Variants in CACNA1G observed in about 807,000 individuals in gnomAD.
CACNA1G encodes voltage-dependent T-type calcium channel subunit alpha-1G.
Under a neutral mutation model 219.4 loss-of-function variants are expected in CACNA1G, and 67 were observed. The observed-to-expected ratio is 0.31, with a 90% CI of 0.25 to 0.37. CACNA1G has a LOEUF of 0.37. Ranked by LOEUF, CACNA1G falls within the 10% of genes least tolerant of loss-of-function variation. The pLI, the probability that CACNA1G is intolerant of heterozygous loss-of-function variation, is 1.00. For synonymous variants in CACNA1G, 1,296 were observed against 1,345.3 expected, an observed-to-expected ratio of 0.96 and a Z score of 0.80; for missense variants, 2,380 against 3,231.4, an observed-to-expected ratio of 0.74 and a Z score of 6.39.
In CACNA1G at chr17:50,572,629, A is replaced by G; in HGVS notation, c.822A>G (p.Pro274=). 1 of 1,597,642 alleles carries G rather than the reference A, an allele frequency of 6.3e-7. No homozygotes were observed. Among genetic ancestry groups the G allele is most frequent in the Non-Finnish European group, 8.5e-7 (1 of 1,172,438 alleles). The change falls in exon 6 of 38, where the codon CCA becomes CCG. Residue 274 remains proline, a synonymous_variant. Coordinates refer to ENST00000359106, the MANE Select transcript of CACNA1G (RefSeq NM_018896.5). The part of the protein sequence containing the change: ...EDESPFICSQ[P]RENGMRSCRS... ...AGAGCCCCTTCATCTGCTCCCAGCC[A>G]CGCGAGAACGGCATGCGGTCCTGCA... is the stretch of plus-strand genomic sequence containing the variant.
chr17:50,575,450 G>C (rs766648722), intron 7 of CACNA1G, 93 bp from the exon 8 acceptor site: 430 of 1,262,986 alleles, frequency 3.4e-4, no homozygotes, highest in Non-Finnish European at 4.4e-4. Flanking sequence ...TGAGCGTGGC[G>C]CTTGGCTCAT....
In CACNA1G at chr17:50,600,575, C is replaced by A; in HGVS notation, c.3691-151C>A. The A allele has an allele frequency of 4.5e-6, 3 of 665,388 alleles. No individual in the cohort carries two copies. The highest frequency in any genetic ancestry group is 8.0e-6 in the Non-Finnish European group (3 of 372,684). 41.2% of individuals were successfully genotyped at this position (665,388 alleles called of 1,614,324 possible). A position where few individuals can be genotyped will look rare whatever the true frequency, so the allele number is the denominator to read the frequency against. ...GGTTGACAGGGAGATGAGGAGGTGG[C>A]TTTAGGAATAAAGGAAGAGAGGCAG... On this transcript the variant is annotated intron_variant, in intron 17 of 37. Transcript: ENST00000359106. This position sits in a 1 kb window ranked among gnomAD's most constrained non-coding sequence, Gnocchi z 4.1.
In CACNA1G at chr17:50,617,374, C is replaced by T. The variant is rs749480614; in HGVS notation, c.5022-64C>T. The T allele has an allele frequency of 3.4e-5, 53 of 1,544,112 alleles. No individual in the cohort carries two copies. The highest frequency in any genetic ancestry group is 1.9e-4 in the African/African-American group (14 of 73,578). On this transcript the variant is annotated intron_variant, in intron 28 of 37. Transcript: ENST00000359106. The surrounding 1 kb of genome is among the most constrained non-coding windows in gnomAD (Gnocchi z 5.8). ...TTTCAAGCCCTGTCTTTCTGTGCCA[C>T]GACTGCCCCCTCCTTCAGGAACCCC...
intron 34 of CACNA1G, among the ~76,000 whole-genome samples, 198 bp downstream of exon 34, chr17:50,620,024 G>T (rs966464290): frequency 6.6e-6 from 1 of 152,202 alleles, no homozygotes; most frequent in African/African-American, 2.4e-5. Flanking sequence ...GAGCTGGAAG[G>T]CAGGGCTGCT....
At chr17:50,624,334 C>CCCCCCCCCCGG in intron 36 of CACNA1G, 26 bp from the exon 37 acceptor site, 2 of 1,304,494 alleles carry the variant, frequency 1.5e-6, no homozygotes, top group Non-Finnish European at 2.2e-6. Context: ...TCCCCCCACC[C>CCCCCCCCCCGG]CTCCCCCGCT....
intron 36 of CACNA1G, 98 bp from the exon 37 acceptor site, chr17:50,624,262 A>G: frequency 8.0e-7 from 1 of 1,257,154 alleles, no homozygotes; most frequent in African/African-American, 1.5e-5. Flanking sequence ...GATGAGGGGG[A>G]GAGAGTGGAA....
At chr17:50,613,062 C>G (rs1396158327) in intron 26 of CACNA1G, among the ~76,000 whole-genome samples, 1 of 152,246 alleles carries the variant, frequency 6.6e-6, no homozygotes, top group Non-Finnish European at 1.5e-5. Flanking sequence ...TTTGGGCAGA[C>G]CATCCAGGGG....
Position 50,573,108 on chromosome 17 carries a change from A to G in CACNA1G, c.1135A>G (p.Ile379Val). Residue 379 changes from isoleucine to valine, a missense_variant, in exon 7 of 38, where the codon ATC (isoleucine) becomes GTC (valine). By Grantham distance (29) the Ile-to-Val change is conservative (BLOSUM62 3). Around this residue, in one of 17 missense-constraint regions of CACNA1G, gnomAD observed 72 missense variants for 175.8 expected, o/e 0.41. Coordinates refer to ENST00000359106, the MANE Select transcript of CACNA1G (RefSeq NM_018896.5). ...FYNFIYFILLIIVGSFFMINL... is the reference protein window; with the variant it reads ...FYNFIYFILLVIVGSFFMINL... ...CAATTTCATCTACTTCATCCTCCTC[A>G]TCATCGTGAGTGACTCCTCAGATCC... The G allele has an allele frequency of 6.4e-7, 1 of 1,565,672 alleles. No homozygotes were observed. Among genetic ancestry groups the G allele is most frequent in the Non-Finnish European group, 8.7e-7 (1 of 1,153,392 alleles).
At position 50,616,266 on chromosome 17, in the gene CACNA1G, C is replaced by A. The variant is rs761270303; in HGVS notation, c.4912-9C>A. The A allele has an allele frequency of 6.3e-7, 1 of 1,577,088 alleles. No homozygotes were observed. The highest frequency in any genetic ancestry group is 8.7e-7 in the Non-Finnish European group (1 of 1,146,484). Reference sequence around the variant, plus strand: ...AAGGGACCCTGCATCTTGCCCCCATCCCTGCCAGATTCTGGATGAGGCTCT... The same window carrying A: ...AAGGGACCCTGCATCTTGCCCCCATACCTGCCAGATTCTGGATGAGGCTCT... On this transcript the variant is annotated splice_polypyrimidine_tract_variant and intron_variant, in intron 27 of 37. Transcript: ENST00000359106.
rs2145648055 is a variant in CACNA1G at position 50,596,194 on chromosome 17, C to T, written c.2980-368C>T. Among the ~76,000 whole-genome samples the T allele has an allele frequency of 6.6e-6, 1 of 152,290 alleles. No individual in the cohort carries two copies. Among genetic ancestry groups the T allele is most frequent in the East Asian group, 1.9e-4 (1 of 5,174 alleles). ...CTCCAGTGAACTTTTGCAAGAGAGG[C>T]TCTAGTGACCACTTCACTCAGGTCC... On this transcript the variant is annotated intron_variant, in intron 14 of 37. Coordinates refer to ENST00000359106, the MANE Select transcript of CACNA1G (RefSeq NM_018896.5). The surrounding 1 kb of genome is among the most constrained non-coding windows in gnomAD (Gnocchi z 4.8).
chr17:50,620,888 C>T (rs1346640788), intron 34 of CACNA1G, among the ~76,000 whole-genome samples: 9 of 152,322 alleles, frequency 5.9e-5, no homozygotes, highest in African/African-American at 1.7e-4. Flanking sequence ...GAAGAGGACA[C>T]GATGGGAAGG....
chr17:50,593,760 G>A (rs1168014092), intron 13 of CACNA1G, among the ~76,000 whole-genome samples: 1 of 152,230 alleles, frequency 6.6e-6, no homozygotes, highest in Non-Finnish European at 1.5e-5. Context: ...CTTCAGGCCT[G>A]GGGTGGGATG....
In CACNA1G at chr17:50,561,010, C is replaced by A. The variant is rs1364355370; in HGVS notation, c.-450C>A. On this transcript the variant is annotated 5_prime_UTR_variant, in exon 1 of 38. Transcript: ENST00000359106. ...TGGCGCGGAGCCGGGACGATGCTGA[C>A]CCCTTAGATCCGGCTCCAGCTGCGC... 1.3e-5 allele frequency: 4 copies of A among 306,524 alleles called. No individual in the cohort carries two copies. Among genetic ancestry groups the A allele is most frequent in the South Asian group, 4.9e-5 (2 of 41,040 alleles). 19.0% of individuals were successfully genotyped at this position (306,524 alleles called of 1,614,324 possible). A position where few individuals can be genotyped will look rare whatever the true frequency, so the allele number is the denominator to read the frequency against.
At position 50,578,429 on chromosome 17, in the gene CACNA1G, C is replaced by A; in HGVS notation, c.2166C>A (p.Pro722=). ...RQRSLGPDAE[P]SSVLAFWRLI... ...GGAGCCTGGGCCCAGATGCAGAGCC[C>A]AGCTCTGTGCTGGCCTTCTGGAGGC... The change falls in exon 9 of 38, where the codon CCC becomes CCA. Residue 722 remains proline, a synonymous_variant. Transcript: ENST00000359106. This position sits in a 1 kb window ranked among gnomAD's most constrained non-coding sequence, Gnocchi z 4.5. The A allele has an allele frequency of 6.2e-7, 1 of 1,611,462 alleles. No individual in the cohort carries two copies. The highest frequency in any genetic ancestry group is 8.5e-7 in the Non-Finnish European group (1 of 1,178,688).
chr17:50,599,461 A>C lies in CACNA1G; in HGVS notation c.3292A>C (p.Ser1098Arg). 1 of 1,572,196 alleles carries C rather than the reference A, an allele frequency of 6.4e-7. No individual in the cohort carries two copies. The highest frequency in any genetic ancestry group is 1.2e-5 in the South Asian group (1 of 85,802). ...SARSSPHSPW[S>R]AASSWTSRRS... Reference sequence around the variant, plus strand: ...CCGCAGCTCTCCGCACAGCCCCTGGAGCGCTGCAAGCAGCTGGACCAGCAG... The same window carrying C: ...CCGCAGCTCTCCGCACAGCCCCTGGCGCGCTGCAAGCAGCTGGACCAGCAG... The change falls in exon 17 of 38, where the codon AGC (serine) becomes CGC (arginine). Residue 1098 changes from serine (S) to arginine (R), a missense_variant. Physicochemically the swap from Ser to Arg is moderately radical, Grantham distance 110. Around this residue, in one of 17 missense-constraint regions of CACNA1G, gnomAD observed 418 missense variants for 434.3 expected, o/e 0.96. Transcript: ENST00000359106.
intron 24 of CACNA1G, 39 bp from the exon 25 acceptor site, chr17:50,607,788 G>A (rs373067344): frequency 2.9e-5 from 46 of 1,590,058 alleles, no homozygotes; most frequent in Admixed American, 6.7e-5. Flanking sequence ...GCTTGCCCTC[G>A]GGCTGATGCC....
chr17:50,616,743 C>T lies in CACNA1G; in HGVS notation c.5021+359C>T, dbSNP rs114496713. ...GGTGGCCTTGGGTAAGTTACTTAAC[C>T]TCTCTGTGCCTCAGTTTCCTCATTT... On this transcript the variant is annotated intron_variant, in intron 28 of 37. Coordinates refer to ENST00000359106, the MANE Select transcript of CACNA1G (RefSeq NM_018896.5). Among the ~76,000 whole-genome samples, 1,082 of 152,338 alleles carry T rather than the reference C, an allele frequency of 7.1e-3. 15 individuals carry two copies. Among genetic ancestry groups the T allele is most frequent in the African/African-American group, 0.025 (1,028 of 41,578 alleles).
chr17:50,596,803 A>G lies in CACNA1G; in HGVS notation c.3138A>G (p.Thr1046=). 6.2e-7 allele frequency: 1 copy of G among 1,611,376 alleles called. No individual in the cohort carries two copies. Among genetic ancestry groups the G allele is most frequent in the Non-Finnish European group, 8.5e-7 (1 of 1,179,528 alleles). Reference sequence around the variant, plus strand: ...CTCTCATCATCCACACGGCCGCCACACCCATGTCGCTGCCCAAGAGCACCA... The same window carrying G: ...CTCTCATCATCCACACGGCCGCCACGCCCATGTCGCTGCCCAAGAGCACCA... The part of the protein sequence containing the change: ...LPPLIIHTAA[T]PMSLPKSTST... The change falls in exon 16 of 38, where the codon ACA becomes ACG. Residue 1046 remains threonine, a synonymous_variant. Coordinates refer to ENST00000359106, the MANE Select transcript of CACNA1G (RefSeq NM_018896.5). This position sits in a 1 kb window ranked among gnomAD's most constrained non-coding sequence, Gnocchi z 4.8.
intron 1 of CACNA1G, among the ~76,000 whole-genome samples, chr17:50,568,163 C>T (rs944312545): frequency 8.5e-5 from 13 of 152,236 alleles, no homozygotes; most frequent in East Asian, 5.8e-4. Context: ...CAGCTGTGGA[C>T]GTCTGCCTTA....
Sources: gnomAD v4.1 joint callset for allele counts (sites outside exome capture counted in the v4.1 genomes callset) on GRCh38, gnomAD v4.1.1 for gene constraint, gnomAD v4.1.1 regional missense constraint, Gnocchi (gnomAD v3.1) non-coding constraint, MANE v1.5 for transcripts, NCBI Gene and HGNC (gene_info 2026-07-23, HGNC 2026-07-21) for gene names.